FBXL17: variants seen among roughly 807,000 people sequenced by gnomAD.
FBXL17 encodes the protein F-box/LRR-repeat protein 17.
Under a neutral mutation model 66.2 loss-of-function variants are expected in FBXL17, and 22 were observed. That is an observed-to-expected ratio of 0.33 (90% CI 0.24 to 0.47). The LOEUF (loss-of-function observed/expected upper bound fraction) is 0.47. FBXL17 is among the 20% of genes least tolerant of loss of function. FBXL17 has a pLI of 1.00. For missense variants in FBXL17, 878 were observed against 948.2 expected (o/e 0.93, Z 0.97); for synonymous variants, 474 against 400.5 (o/e 1.18, Z -2.19).
At chr5:107,890,547 C>T (rs1258102838) in intron 7 of FBXL17, among the ~76,000 whole-genome samples, 1 of 151,642 alleles carries the variant, frequency 6.6e-6, no homozygotes, top group Non-Finnish European at 1.5e-5. Context: ...ACCTGTGGTC[C>T]CAACTATTGG....
At chr5:108,164,386 T>A (rs974246429) in intron 6 of FBXL17, among the ~76,000 whole-genome samples, 2 of 152,186 alleles carry the variant, frequency 1.3e-5, no homozygotes, top group African/African-American at 4.8e-5. Context: ...ATCACTCATT[T>A]GGTAATTAAC....
chr5:108,057,722 C>T (rs1470115481), intron 6 of FBXL17, among the ~76,000 whole-genome samples: 1 of 152,146 alleles, frequency 6.6e-6, no homozygotes, highest in Non-Finnish European at 1.5e-5. Flanking sequence ...TAAATCCGTC[C>T]TAAGGGATTT....
At chr5:108,027,542 G>C in intron 6 of FBXL17, among the ~76,000 whole-genome samples, 1 of 152,090 alleles carries the variant, frequency 6.6e-6, no homozygotes, top group East Asian at 1.9e-4. Flanking sequence ...ATGTTTCATT[G>C]AGTGTAAACT....
intron 7 of FBXL17, among the ~76,000 whole-genome samples, chr5:108,002,008 T>C (rs1256006452): frequency 1.3e-5 from 2 of 152,016 alleles, no homozygotes; most frequent in Non-Finnish European, 2.9e-5. Context: ...AAATTTCAAA[T>C]TGCAAATTTC....
At chr5:108,376,610 T>C (rs1185147343) in intron 1 of FBXL17, among the ~76,000 whole-genome samples, 2 of 152,182 alleles carry the variant, frequency 1.3e-5, no homozygotes, top group Admixed American at 6.5e-5. Context: ...TTTTACCATG[T>C]TTATAATAGC....
chr5:108,163,099 T>C (rs1752276213), intron 6 of FBXL17, among the ~76,000 whole-genome samples: 1 of 152,222 alleles, frequency 6.6e-6, no homozygotes. Context: ...AGCATAAATT[T>C]CCTACATAAT....
intron 6 of FBXL17, among the ~76,000 whole-genome samples, chr5:108,139,226 A>G (rs1476602463): frequency 6.6e-6 from 1 of 152,210 alleles, no homozygotes; most frequent in African/African-American, 2.4e-5. Flanking sequence ...TGTTTAAGTA[A>G]CGGAGGATAT....
At chr5:108,061,894 A>G (rs1445084580) in intron 6 of FBXL17, among the ~76,000 whole-genome samples, 1 of 151,644 alleles carries the variant, frequency 6.6e-6, no homozygotes, top group Non-Finnish European at 1.5e-5. Context: ...AAAAAAGCCA[A>G]GGGAAATACT....
At chr5:108,255,796 G>A (rs1756551782) in intron 4 of FBXL17, among the ~76,000 whole-genome samples, 1 of 152,140 alleles carries the variant, frequency 6.6e-6, no homozygotes, top group Admixed American at 6.6e-5. Flanking sequence ...GAAATTAGGG[G>A]AGGAAATTAG....
chr5:108,227,069 G>A (rs1003739085), intron 4 of FBXL17, among the ~76,000 whole-genome samples: 10 of 152,104 alleles, frequency 6.6e-5, no homozygotes, highest in Middle Eastern at 3.2e-3. Flanking sequence ...ACAGACAGAC[G>A]TACAGACAAT....
At chr5:108,059,040 A>G (rs1580385247) in intron 6 of FBXL17, among the ~76,000 whole-genome samples, 1 of 152,216 alleles carries the variant, frequency 6.6e-6, no homozygotes, top group East Asian at 1.9e-4. Flanking sequence ...ATGACCATAG[A>G]AAAAGCTCTG....
chr5:108,034,296 T>C (rs1746757660), intron 6 of FBXL17, among the ~76,000 whole-genome samples: 1 of 152,196 alleles, frequency 6.6e-6, no homozygotes, highest in African/African-American at 2.4e-5. Flanking sequence ...GTCATCCTTG[T>C]TAGCATCAGG....
chr5:108,014,009 CG>C (rs939746827), intron 7 of FBXL17, among the ~76,000 whole-genome samples: 9 of 152,028 alleles, frequency 5.9e-5, no homozygotes, highest in African/African-American at 2.2e-4. Flanking sequence ...TACTGATAAT[CG>C]TCAATAATAA....
At chr5:108,358,143 C>A (rs1182139125) in intron 3 of FBXL17, among the ~76,000 whole-genome samples, 1 of 152,116 alleles carries the variant, frequency 6.6e-6, no homozygotes, top group Non-Finnish European at 1.5e-5. Context: ...AGTTTTACTT[C>A]TTCCTTTCCA....
intron 7 of FBXL17, among the ~76,000 whole-genome samples, chr5:107,977,852 C>T (rs868599586): frequency 1.3e-5 from 2 of 152,004 alleles, no homozygotes; most frequent in South Asian, 2.1e-4. Context: ...AAGGCATGAA[C>T]GTGGTTAAAG....
chr5:108,367,722 G>A (rs1561558201), intron 2 of FBXL17, 109 bp downstream of exon 2: 4 of 932,492 alleles, frequency 4.3e-6, no homozygotes, highest in Non-Finnish European at 6.0e-6. Flanking sequence ...GTAGATTACA[G>A]TGATTTGAAC....
chr5:107,906,749 T>G (rs1371889370), intron 7 of FBXL17, among the ~76,000 whole-genome samples: 1 of 152,194 alleles, frequency 6.6e-6, no homozygotes, highest in East Asian at 1.9e-4. Context: ...TTGTTATGAA[T>G]AGTAAACTAA....
chr5:108,327,431 T>C (rs1380390738), intron 4 of FBXL17, among the ~76,000 whole-genome samples: 1 of 152,216 alleles, frequency 6.6e-6, no homozygotes, highest in East Asian at 1.9e-4. Flanking sequence ...GATTATATGA[T>C]GTAGTTCATA....
At chr5:108,353,697 T>C (rs905444047) in intron 3 of FBXL17, among the ~76,000 whole-genome samples, 20 of 152,026 alleles carry the variant, frequency 1.3e-4, no homozygotes, top group African/African-American at 4.8e-4. Context: ...TAGCCTTCCA[T>C]GTAAGGAAAG....
Sources: gnomAD v4.1 joint callset for allele counts (sites outside exome capture counted in the v4.1 genomes callset) on GRCh38, gnomAD v4.1.1 for gene constraint, MANE v1.5 for transcripts, NCBI Gene and HGNC (gene_info 2026-07-23, HGNC 2026-07-21) for gene names.